The following LRRC74B variants were observed in gnomAD, a reference collection of about 807,000 sequenced individuals.
The protein encoded by LRRC74B is leucine rich repeat containing 74B.
A neutral mutation model predicts 16.6 loss-of-function variants in LRRC74B; 30 were observed. That is an observed-to-expected ratio of 1.80 (90% confidence interval 1.35 to 2.45). The LOEUF is 2.45. LRRC74B is among the 30% of genes most tolerant of loss of function. LRRC74B has a pLI of 0.00. For missense variants in LRRC74B, 326 were observed against 202.4 expected (o/e 1.61, Z -3.71); for synonymous variants, 134 against 86.0 (o/e 1.56, Z -3.09).
chr22:21,047,372 A>T, exon 2 of LRRC74B: 1 of 717,312 alleles, frequency 1.4e-6, no homozygotes, highest in Non-Finnish European at 2.6e-6. Context: ...ATGGGCTTGG[A>T]GAACTGGTCA....
At chr22:21,052,890 TGACCTTGGG>T (rs1029724345) in intron 5 of LRRC74B, among the ~76,000 whole-genome samples, 5 of 152,214 alleles carry the variant, frequency 3.3e-5, no homozygotes, top group Non-Finnish European at 7.3e-5. Flanking sequence ...ATGCAGGGGC[TGACCTTGGG>T]GTCCTGCCCC....
Sources: gnomAD v4.1 joint callset for allele counts (sites outside exome capture counted in the v4.1 genomes callset) on GRCh38, gnomAD v4.1.1 for gene constraint, MANE v1.5 for transcripts, NCBI Gene and HGNC (gene_info 2026-07-23, HGNC 2026-07-21) for gene names.